Variants in CDH13 observed in about 807,000 individuals in gnomAD.
CDH13 encodes the protein cadherin-13.
In CDH13, 24 loss-of-function variants were observed where a neutral mutation model predicts 63.8. The observed-to-expected ratio is 0.38, with a 90% CI of 0.27 to 0.53. The LOEUF (loss-of-function observed/expected upper bound fraction) is 0.53, where lower values mean the gene tolerates loss of function less well. CDH13 is among the 20% of genes least tolerant of loss of function. CDH13 has a pLI of 0.85. For synonymous variants in CDH13, 503 were observed against 355.3 expected (o/e 1.42, Z -4.67); for missense variants, 1,049 against 903.1 (o/e 1.16, Z -2.07).
chr16:83,474,448 C>G (rs1397763050), intron 6 of CDH13, among the ~76,000 whole-genome samples: 1 of 152,122 alleles, frequency 6.6e-6, no homozygotes, highest in African/African-American at 2.4e-5. Flanking sequence ...ATAAAAATCT[C>G]TGGGGGAGAG....
At chr16:82,691,966 C>T (rs952745410) in intron 1 of CDH13, among the ~76,000 whole-genome samples, 1 of 152,066 alleles carries the variant, frequency 6.6e-6, no homozygotes, top group African/African-American at 2.4e-5. Context: ...TATATGCTGA[C>T]AGTTAGGAAA....
chr16:83,243,348 C>T (rs746891046), intron 5 of CDH13, among the ~76,000 whole-genome samples: 8 of 152,162 alleles, frequency 5.3e-5, no homozygotes, highest in Non-Finnish European at 1.0e-4. Flanking sequence ...TCTTACATGG[C>T]GGCAGGGAAG....
chr16:83,036,824 G>A (rs960529687), intron 3 of CDH13, among the ~76,000 whole-genome samples: 1 of 152,088 alleles, frequency 6.6e-6, no homozygotes, highest in African/African-American at 2.4e-5. Flanking sequence ...AGATGATTTG[G>A]CTCCACCTCA....
chr16:83,759,425 GA>G (rs1171186048), intron 11 of CDH13, among the ~76,000 whole-genome samples: 4 of 151,654 alleles, frequency 2.6e-5, no homozygotes, highest in Admixed American at 6.6e-5. Flanking sequence ...AATATAGAAG[GA>G]AAAAATGCAT....
intron 1 of CDH13, among the ~76,000 whole-genome samples, chr16:82,692,541 A>G (rs559638922): frequency 8.0e-4 from 122 of 152,260 alleles, no homozygotes; most frequent in African/African-American, 2.9e-3. Context: ...AGCCACCCCC[A>G]TGATTAATTT....
At chr16:83,058,819 C>G (rs1326773566) in intron 3 of CDH13, among the ~76,000 whole-genome samples, 4 of 152,234 alleles carry the variant, frequency 2.6e-5, no homozygotes, top group African/African-American at 7.2e-5. Context: ...ACACGCTGAC[C>G]TCACAGAAAC....
At chr16:82,937,374 C>G (rs1477922246) in intron 2 of CDH13, among the ~76,000 whole-genome samples, 2 of 151,968 alleles carry the variant, frequency 1.3e-5, no homozygotes, top group East Asian at 1.9e-4. Context: ...TTCTTTGTCT[C>G]TCTGTCCCTC....
intron 6 of CDH13, among the ~76,000 whole-genome samples, chr16:83,355,335 G>A (rs1210125051): frequency 1.3e-5 from 2 of 152,158 alleles, no homozygotes; most frequent in Non-Finnish European, 2.9e-5. Flanking sequence ...CAATAATACT[G>A]TAAGCCTTAA....
Position 83,138,958 on chromosome 16 carries a change from G to C in CDH13, c.483+13457G>C, listed in dbSNP as rs57485220. On this transcript the variant is annotated intron_variant, in intron 4 of 13. Transcript: ENST00000567109. ...GGAGGTAGAGGAAGGTCCCCTCTTA[G>C]CTGGGACATTATGCCTCTATAGGAC... Among the ~76,000 whole-genome samples the C allele has an allele frequency of 4.3e-3, 657 of 152,288 alleles. 4 individuals carry two copies. The highest frequency in any genetic ancestry group is 0.015 in the African/African-American group (623 of 41,558).
intron 5 of CDH13, among the ~76,000 whole-genome samples, chr16:83,234,914 G>T (rs998071991): frequency 1.3e-5 from 2 of 152,188 alleles, no homozygotes; most frequent in African/African-American, 4.8e-5. Flanking sequence ...TGCTTGGTTT[G>T]GGCCGGGCAC....
intron 7 of CDH13, among the ~76,000 whole-genome samples, chr16:83,598,906 C>G (rs1240599721): frequency 1.3e-5 from 2 of 152,174 alleles, no homozygotes; most frequent in Non-Finnish European, 2.9e-5. Context: ...TCTGAAAGAA[C>G]TAAAGGACAA....
At chr16:82,702,703 A>G (rs1285461822) in intron 1 of CDH13, among the ~76,000 whole-genome samples, 1 of 152,216 alleles carries the variant, frequency 6.6e-6, no homozygotes, top group Non-Finnish European at 1.5e-5. Context: ...TAAGCATTGC[A>G]GAAAATTTGT....
intron 2 of CDH13, among the ~76,000 whole-genome samples, chr16:82,979,541 C>T (rs913109534): frequency 2.0e-5 from 3 of 152,046 alleles, no homozygotes; most frequent in Non-Finnish European, 2.9e-5. Context: ...TTATAAAGGG[C>T]GTTTCCCCCT....
intron 1 of CDH13, among the ~76,000 whole-genome samples, chr16:82,687,243 G>T (rs1052474852): frequency 6.6e-6 from 1 of 152,144 alleles, no homozygotes; most frequent in African/African-American, 2.4e-5. Flanking sequence ...GAGGAGGCAG[G>T]GTTTAGCACA....
chr16:83,494,448 G>T (rs899843016), intron 7 of CDH13, among the ~76,000 whole-genome samples: 3 of 152,120 alleles, frequency 2.0e-5, no homozygotes, highest in Non-Finnish European at 4.4e-5. Flanking sequence ...AGTGAAAGAG[G>T]TACCTTCTAA....
chr16:83,191,022 A>C (rs1180375775), intron 4 of CDH13, among the ~76,000 whole-genome samples: 1 of 151,810 alleles, frequency 6.6e-6, no homozygotes, highest in African/African-American at 2.4e-5. Flanking sequence ...TTTGCAAATA[A>C]TCAATCAAAT....
intron 2 of CDH13, among the ~76,000 whole-genome samples, chr16:82,962,390 G>GCATA (rs1323457315): frequency 2.6e-5 from 4 of 152,184 alleles, no homozygotes; most frequent in Non-Finnish European, 5.9e-5. Flanking sequence ...AGGTCTTCTG[G>GCATA]CCTCCAGAGG....
rs11861695 is a variant in CDH13 at position 82,692,850 on chromosome 16, C to T, written c.45+65713C>T. 6.4e-3 allele frequency among the ~76,000 whole-genome samples: 968 copies of T among 152,196 alleles called. 7 individuals carry two copies. The highest frequency in any genetic ancestry group is 0.021 in the African/African-American group (856 of 41,518). On this transcript the variant is annotated intron_variant, in intron 1 of 13. Transcript: ENST00000567109. Reference sequence around the variant, plus strand: ...ATGTGGTAGGCAGCTTCTAAGTGACCCCGGTGATCCTCACTTCCTGGTCTT... The same window carrying T: ...ATGTGGTAGGCAGCTTCTAAGTGACTCCGGTGATCCTCACTTCCTGGTCTT...
intron 6 of CDH13, among the ~76,000 whole-genome samples, chr16:83,445,991 T>C (rs1413834037): frequency 6.6e-6 from 1 of 152,092 alleles, no homozygotes; most frequent in African/African-American, 2.4e-5. Context: ...CAAACTTTTT[T>C]ATTGGGTATA....
Sources: gnomAD v4.1 joint callset for allele counts (sites outside exome capture counted in the v4.1 genomes callset) on GRCh38, gnomAD v4.1.1 for gene constraint, MANE v1.5 for transcripts, NCBI Gene and HGNC (gene_info 2026-07-23, HGNC 2026-07-21) for gene names.